Variants in CEMIP observed in about 807,000 individuals in gnomAD.
CEMIP encodes cell migration inducing hyaluronidase 1.
Under a neutral mutation model 156.9 loss-of-function variants are expected in CEMIP, and 105 were observed. That is an observed-to-expected ratio of 0.67 (90% confidence interval 0.57 to 0.79). CEMIP has a LOEUF of 0.79. CEMIP is among the 30% of genes least tolerant of loss of function. The probability of loss-of-function intolerance (pLI) is 0.00; values close to 1 mark genes in which losing one functional copy is unlikely to be tolerated. For synonymous variants in CEMIP, 676 were observed against 668.4 expected (o/e 1.01, Z -0.17); for missense variants, 1,457 against 1,769.4 (o/e 0.82, Z 3.17).
At chr15:80,842,982 A>G (rs1449331755) in intron 1 of CEMIP, among the ~76,000 whole-genome samples, 2 of 152,242 alleles carry the variant, frequency 1.3e-5, no homozygotes. Context: ...ATTGTCACCA[A>G]CTGAAAGCAG....
chr15:80,921,760 C>A (rs560693178), intron 16 of CEMIP, among the ~76,000 whole-genome samples: 1 of 152,352 alleles, frequency 6.6e-6, no homozygotes, highest in South Asian at 2.1e-4. Flanking sequence ...TGAAACGCAG[C>A]ATTTCTGAGC....
At chr15:80,935,957 C>T (rs1190250346) in intron 23 of CEMIP, among the ~76,000 whole-genome samples, 2 of 152,166 alleles carry the variant, frequency 1.3e-5, no homozygotes, top group South Asian at 2.1e-4. Flanking sequence ...AGGCTGGTCT[C>T]GAACTCCCAA....
chr15:80,904,297 A>C (rs1031150853), intron 12 of CEMIP, among the ~76,000 whole-genome samples: 16 of 152,186 alleles, frequency 1.1e-4, no homozygotes, highest in Non-Finnish European at 2.9e-5. Context: ...ATCCCCAGGC[A>C]GGAGGATTTT....
At chr15:80,901,437 T>C (rs1241662037) in intron 12 of CEMIP, among the ~76,000 whole-genome samples, 1 of 152,176 alleles carries the variant, frequency 6.6e-6, no homozygotes, top group Non-Finnish European at 1.5e-5. Context: ...CGTGGTGGCT[T>C]ACGCTTGTAA....
chr15:80,800,021 ATGTGTG>A (rs56412231), intron 1 of CEMIP, among the ~76,000 whole-genome samples: 70 of 124,904 alleles, frequency 5.6e-4, no homozygotes, highest in East Asian at 1.5e-3. Flanking sequence ...AGCTAATTTT[ATGTGTG>A]TGTGTGTGTG....
Sources: gnomAD v4.1 joint callset for allele counts (sites outside exome capture counted in the v4.1 genomes callset) on GRCh38, gnomAD v4.1.1 for gene constraint, MANE v1.5 for transcripts, NCBI Gene and HGNC (gene_info 2026-07-23, HGNC 2026-07-21) for gene names.